Variants in COG5 observed in about 807,000 individuals in gnomAD.
The protein encoded by COG5 is conserved oligomeric Golgi complex subunit 5.
A neutral mutation model predicts 110.4 loss-of-function variants in COG5; 86 were observed. The observed-to-expected ratio is 0.78, with a 90% confidence interval of 0.65 to 0.93. COG5 has a LOEUF of 0.93. Ranked by LOEUF, COG5 falls within the 40% of genes least tolerant of loss-of-function variation. COG5 has a pLI of 0.00. For synonymous variants in COG5, 360 were observed against 334.6 expected (o/e 1.08, Z -0.83); for missense variants, 1,077 against 987.0 (o/e 1.09, Z -1.22).
In COG5 at chr7:107,474,308, A is replaced by G. The variant is rs747163901; in HGVS notation, c.538+52929T>C. On this transcript the variant is annotated intron_variant, in intron 6 of 21. Coordinates refer to ENST00000297135, the MANE Select transcript of COG5 (RefSeq NM_006348.5). This position sits in a 1 kb window ranked among gnomAD's most constrained non-coding sequence, Gnocchi z 5.7. ...TCTGTCAGTAACATTATTACAATGA[A>G]TCTTCATGTACTTGATGTAATAATT... The G allele has an allele frequency of 2.5e-6, 4 of 1,607,222 alleles. No homozygotes were observed. Among genetic ancestry groups the G allele is most frequent in the Admixed American group, 1.7e-5 (1 of 59,920 alleles).
rs944741845 is a variant in COG5, at chr7:107,209,931, G to A, written c.2375+595C>T. On this transcript the variant is annotated intron_variant, in intron 21 of 21. Transcript: ENST00000297135. ...TGATGGTGAGAGCAGTTGCAGGGAAGAGTGTTGCTTAATAAGCCATGTATG... is the reference window on the plus strand; with the variant it reads ...TGATGGTGAGAGCAGTTGCAGGGAAAAGTGTTGCTTAATAAGCCATGTATG... The A allele has an allele frequency of 4.1e-6, 4 of 986,788 alleles. No individual in the cohort carries two copies. The African/African-American group carries it at 7.0e-5, about 17-fold the overall frequency. The allele number at this position is 986,788 out of a possible 1,614,324, so 61.1% of individuals were successfully genotyped here.
chr7:107,467,716 A>G (rs181718450), intron 6 of COG5, among the ~76,000 whole-genome samples: 27 of 152,318 alleles, frequency 1.8e-4, no homozygotes, highest in Admixed American at 1.1e-3. Flanking sequence ...AGATATTTGC[A>G]TATTTGTTAA....
At chr7:107,271,878 T>C (rs1804304123) in intron 14 of COG5, among the ~76,000 whole-genome samples, 1 of 152,226 alleles carries the variant, frequency 6.6e-6, no homozygotes, top group Admixed American at 6.5e-5. Flanking sequence ...ATTCAATGAT[T>C]TGAATTTTGC....
chr7:107,386,830 CT>C (rs1790243217), intron 7 of COG5, among the ~76,000 whole-genome samples: 1 of 152,104 alleles, frequency 6.6e-6, no homozygotes, highest in Non-Finnish European at 1.5e-5. Flanking sequence ...ATCTTTAATG[CT>C]GTGGGCTTTA....
chr7:107,353,030 G>A (rs1024516776), intron 10 of COG5, among the ~76,000 whole-genome samples: 2 of 151,970 alleles, frequency 1.3e-5, no homozygotes, highest in African/African-American at 4.8e-5. Flanking sequence ...ACTCTTAACT[G>A]GTTTTAAAGA....
At chr7:107,274,534 G>C (rs1005031379) in intron 14 of COG5, among the ~76,000 whole-genome samples, 1 of 152,070 alleles carries the variant, frequency 6.6e-6, no homozygotes, top group Non-Finnish European at 1.5e-5. Context: ...GCCCAGGATA[G>C]GCTGCTGCAG....
intron 1 of COG5, among the ~76,000 whole-genome samples, chr7:107,562,975 A>G (rs958615645): frequency 9.2e-5 from 14 of 152,230 alleles, no homozygotes; most frequent in African/African-American, 3.4e-4. Flanking sequence ...AAACAAGTAT[A>G]CAAATGATTT....
intron 11 of COG5, among the ~76,000 whole-genome samples, chr7:107,317,971 G>T (rs528823166): frequency 1.3e-4 from 20 of 152,172 alleles, no homozygotes; most frequent in Non-Finnish European, 2.5e-4. Flanking sequence ...AATATCGGAA[G>T]ATATAATGGT....
At chr7:107,205,202 A>G (rs942732849) in intron 21 of COG5, among the ~76,000 whole-genome samples, 1 of 152,182 alleles carries the variant, frequency 6.6e-6, no homozygotes, top group Non-Finnish European at 1.5e-5. Flanking sequence ...TGTTCTTTAT[A>G]GGAAATCTGG....
At chr7:107,287,451 A>G (rs1456729157) in intron 12 of COG5, among the ~76,000 whole-genome samples, 8 of 152,194 alleles carry the variant, frequency 5.3e-5, no homozygotes, top group Admixed American at 5.2e-4. Flanking sequence ...AAGTGACTCC[A>G]TGTCGAATCT....
chr7:107,208,695 T>C, intron 21 of COG5: 1 of 985,402 alleles, frequency 1.0e-6, no homozygotes, highest in East Asian at 1.1e-4. Flanking sequence ...TGTCAGATGT[T>C]CATAGCTGAG....
intron 10 of COG5, among the ~76,000 whole-genome samples, chr7:107,325,885 TAAAC>T (rs1186304714): frequency 1.3e-5 from 2 of 152,142 alleles, no homozygotes; most frequent in Non-Finnish European, 2.9e-5. Context: ...CTGTTAATCA[TAAAC>T]AAGGCAAATC....
chr7:107,283,501 ACTG>A lies in COG5; in HGVS notation c.1475+67_1475+69del, dbSNP rs1805352775. 3.8e-6 allele frequency: 5 copies of A among 1,308,412 alleles called. No individual in the cohort carries two copies. In the South Asian group the frequency reaches 5.0e-5, roughly 13 times the overall value. The allele number at this position is 1,308,412 out of a possible 1,614,324, so 81.1% of individuals were successfully genotyped here. ...TAATTTGAAAATAAATTAAAAAGGT[ACTG>A]CTATCATATATCACTAACAAATATG... is the stretch of plus-strand genomic sequence containing the variant. On this transcript the variant is annotated intron_variant, in intron 13 of 21. Coordinates refer to ENST00000297135, the MANE Select transcript of COG5 (RefSeq NM_006348.5).
chr7:107,486,621 GAAT>G (rs1165773839), intron 6 of COG5, among the ~76,000 whole-genome samples: 1 of 151,852 alleles, frequency 6.6e-6, no homozygotes, highest in African/African-American at 2.4e-5. Context: ...AGTAATAAGT[GAAT>G]AATAACTAAA....
intron 5 of COG5, among the ~76,000 whole-genome samples, chr7:107,543,504 G>A (rs1028277083): frequency 6.6e-6 from 1 of 152,078 alleles, no homozygotes; most frequent in Non-Finnish European, 1.5e-5. Flanking sequence ...GTGACCCCAG[G>A]CCCCAGACCA....
chr7:107,264,448 T>C (rs1803631197), intron 14 of COG5, among the ~76,000 whole-genome samples: 1 of 152,124 alleles, frequency 6.6e-6, no homozygotes, highest in Non-Finnish European at 1.5e-5. Flanking sequence ...ATCCTAGCCC[T>C]TTGGAGACTG....
chr7:107,350,950 G>A (rs1812082407), intron 10 of COG5, among the ~76,000 whole-genome samples: 1 of 152,062 alleles, frequency 6.6e-6, no homozygotes, highest in Admixed American at 6.5e-5. Context: ...ATATATGCAT[G>A]GATGCCCCTC....
intron 21 of COG5, among the ~76,000 whole-genome samples, chr7:107,205,209 C>G (rs1039793711): frequency 6.6e-6 from 1 of 152,202 alleles, no homozygotes; most frequent in African/African-American, 2.4e-5. Flanking sequence ...TATAGGAAAT[C>G]TGGAAAGGTC....
intron 6 of COG5, among the ~76,000 whole-genome samples, chr7:107,434,832 T>C (rs1037290962): frequency 6.6e-6 from 1 of 151,982 alleles, no homozygotes; most frequent in Non-Finnish European, 1.5e-5. Context: ...TAGTTGGATG[T>C]GGTGGCAAAT....
Sources: gnomAD v4.1 joint callset for allele counts (sites outside exome capture counted in the v4.1 genomes callset) on GRCh38, gnomAD v4.1.1 for gene constraint, Gnocchi (gnomAD v3.1) non-coding constraint, MANE v1.5 for transcripts, NCBI Gene and HGNC (gene_info 2026-07-23, HGNC 2026-07-21) for gene names.